SKAP1: variants seen among roughly 807,000 people sequenced by gnomAD.
SKAP1 encodes src kinase associated phosphoprotein 1.
SKAP1 carries 44 observed loss-of-function variants against 58.5 expected under a neutral mutation model. That is an observed-to-expected ratio of 0.75 (90% CI 0.59 to 0.97). The LOEUF (loss-of-function observed/expected upper bound fraction) is 0.97. SKAP1 is among the 50% of genes least tolerant of loss of function. The probability of loss-of-function intolerance (pLI) is 0.00; values close to 1 mark genes in which losing one functional copy is unlikely to be tolerated. For synonymous variants in SKAP1, 127 were observed against 149.7 expected, an observed-to-expected ratio of 0.85 and a Z score of 1.11; for missense variants, 390 against 435.2, an observed-to-expected ratio of 0.90 and a Z score of 0.92.
At chr17:48,223,737 T>C (rs1331631684) in intron 4 of SKAP1, among the ~76,000 whole-genome samples, 2 of 152,076 alleles carry the variant, frequency 1.3e-5, no homozygotes, top group Admixed American at 1.3e-4. Context: ...TAGTGACCGA[T>C]GGTTAACAGT....
At chr17:48,320,489 A>G (rs2066347382) in intron 4 of SKAP1, among the ~76,000 whole-genome samples, 1 of 152,226 alleles carries the variant, frequency 6.6e-6, no homozygotes, top group Non-Finnish European at 1.5e-5. Context: ...TTTGGCCTGA[A>G]CTTTATAACT....
intron 4 of SKAP1, among the ~76,000 whole-genome samples, chr17:48,260,939 C>T (rs1260034258): frequency 2.6e-5 from 4 of 152,168 alleles, no homozygotes; most frequent in Non-Finnish European, 5.9e-5. Context: ...CATTCTTCTT[C>T]TGTTCATCTT....
chr17:48,349,707 A>G (rs1567878098), intron 3 of SKAP1, among the ~76,000 whole-genome samples: 1 of 152,102 alleles, frequency 6.6e-6, no homozygotes, highest in Non-Finnish European at 1.5e-5. Context: ...AAGCAGGATG[A>G]TTTCTCTATT....
intron 4 of SKAP1, among the ~76,000 whole-genome samples, chr17:48,257,265 C>T (rs556530878): frequency 2.0e-5 from 3 of 152,204 alleles, no homozygotes; most frequent in East Asian, 3.9e-4. Flanking sequence ...TCCATTTTAA[C>T]CGCTAGATGT....
At chr17:48,193,708 G>C (rs1357538018) in intron 4 of SKAP1, 2 of 984,552 alleles carry the variant, frequency 2.0e-6, no homozygotes, top group African/African-American at 1.8e-5. Flanking sequence ...TGATCCTGAG[G>C]ATGAACAGTG....
At chr17:48,205,041 C>T (rs1297815389) in intron 4 of SKAP1, among the ~76,000 whole-genome samples, 58 of 85,372 alleles carry the variant, frequency 6.8e-4, no homozygotes, top group African/African-American at 1.6e-3. Context: ...CTTTCTTTCT[C>T]TCTCTCTCTT....
intron 4 of SKAP1, among the ~76,000 whole-genome samples, chr17:48,221,224 A>ACG (rs2065003191): frequency 6.7e-6 from 1 of 150,252 alleles, no homozygotes; most frequent in African/African-American, 2.4e-5. Flanking sequence ...CCAAGATTGC[A>ACG]CCACTGCACT....
intron 4 of SKAP1, among the ~76,000 whole-genome samples, chr17:48,285,356 C>T (rs565856843): frequency 6.6e-6 from 1 of 152,296 alleles, no homozygotes; most frequent in South Asian, 2.1e-4. Context: ...GTGGCTCATG[C>T]CTGTAGTCCC....
At chr17:48,313,886 T>C (rs1286344982) in intron 4 of SKAP1, among the ~76,000 whole-genome samples, 2 of 152,182 alleles carry the variant, frequency 1.3e-5, no homozygotes, top group Non-Finnish European at 1.5e-5. Context: ...GCATGTCCGC[T>C]AAGTTTGGTA....
intron 11 of SKAP1, among the ~76,000 whole-genome samples, chr17:48,161,009 A>G (rs1030250976): frequency 2.6e-5 from 4 of 152,300 alleles, no homozygotes; most frequent in African/African-American, 7.2e-5. Flanking sequence ...AGGATAAATC[A>G]CTAGAAGATT....
chr17:48,182,810 C>A (rs1403922427), intron 7 of SKAP1, among the ~76,000 whole-genome samples: 3 of 152,188 alleles, frequency 2.0e-5, no homozygotes, highest in Non-Finnish European at 4.4e-5. Context: ...AAAGGAGGCA[C>A]ATTTTGTAAC....
intron 1 of SKAP1, among the ~76,000 whole-genome samples, chr17:48,423,352 A>C (rs2067818021): frequency 6.6e-6 from 1 of 152,200 alleles, no homozygotes; most frequent in African/African-American, 2.4e-5. Flanking sequence ...GGAAGGGGAA[A>C]AGTGTGACCC....
the SKAP1 span, among the ~76,000 whole-genome samples, chr17:48,444,331 A>C: frequency 6.6e-6 from 1 of 152,218 alleles, no homozygotes; most frequent in Non-Finnish European, 1.5e-5. Context: ...CGGAGGTTGC[A>C]ATGAGCCCAG....
At chr17:48,167,163 G>A (rs2064151306) in intron 10 of SKAP1, among the ~76,000 whole-genome samples, 2 of 152,186 alleles carry the variant, frequency 1.3e-5, no homozygotes, top group African/African-American at 4.8e-5. Context: ...ACTGCGCCCA[G>A]CCTTGATAGT....
chr17:48,365,897 C>T (rs1049770594), intron 2 of SKAP1, among the ~76,000 whole-genome samples: 1 of 151,592 alleles, frequency 6.6e-6, no homozygotes, highest in Non-Finnish European at 1.5e-5. Context: ...TTCTGGTGGG[C>T]CACTAAAGCC....
At chr17:48,307,899 T>C (rs2066169613) in intron 4 of SKAP1, 1 of 152,210 alleles carries the variant, frequency 6.6e-6, no homozygotes. Flanking sequence ...AAATATTTAG[T>C]GATTGATATT....
At chr17:48,254,473 G>T (rs1165053365) in intron 4 of SKAP1, among the ~76,000 whole-genome samples, 1 of 151,996 alleles carries the variant, frequency 6.6e-6, no homozygotes, top group Admixed American at 6.6e-5. Context: ...AATCATGTCT[G>T]CATGGGCAAT....
Position 48,141,529 on chromosome 17 carries a change from A to T in SKAP1, c.979-4192T>A, listed in dbSNP as rs188668919. On this transcript the variant is annotated intron_variant, in intron 11 of 12. Transcript: ENST00000336915. ...GTAGCTGGGATTACAGGTGCCTGCC[A>T]CCACACCTCGCTGATTTTTGTATTT... Among the ~76,000 whole-genome samples the T allele has an allele frequency of 9.5e-4, 145 of 151,940 alleles. 1 individual carries two copies. The highest frequency in any genetic ancestry group is 2.8e-3 in the African/African-American group (115 of 41,420).
chr17:48,290,022 A>G (rs958370390), intron 4 of SKAP1, among the ~76,000 whole-genome samples: 1 of 152,186 alleles, frequency 6.6e-6, no homozygotes, highest in Admixed American at 6.5e-5. Context: ...AAATATTCTC[A>G]GAATTAGTAT....
Sources: allele counts gnomAD v4.1 joint callset (sites outside exome capture counted in the v4.1 genomes callset), GRCh38; gene constraint gnomAD v4.1.1; transcripts MANE v1.5; gene names NCBI Gene and HGNC (gene_info 2026-07-23, HGNC 2026-07-21).